Variants in MOXD1 observed in about 807,000 individuals in gnomAD.
The protein encoded by MOXD1 is DBH-like monooxygenase protein 1.
MOXD1 carries 62 observed loss-of-function variants against 66.6 expected under a neutral mutation model. The ratio of observed to expected loss-of-function variants is 0.93; its 90% CI spans 0.76 to 1.15. The LOEUF (loss-of-function observed/expected upper bound fraction) is 1.15. Ranked by LOEUF, MOXD1 falls within the 50% of genes most tolerant of loss-of-function variation. The pLI is 0.00. For synonymous variants in MOXD1, 303 were observed against 281.9 expected (o/e 1.07, Z -0.75); for missense variants, 847 against 754.6 (o/e 1.12, Z -1.44).
At chr6:132,401,055 A>G in intron 1 of MOXD1, 108 bp downstream of exon 1, 1 of 1,294,152 alleles carries the variant, frequency 7.7e-7, no homozygotes, top group Admixed American at 3.7e-5. Flanking sequence ...GGGCTGCGCC[A>G]GGTGAGAGAG....
At chr6:132,369,690 A>G (rs898837962) in intron 4 of MOXD1, among the ~76,000 whole-genome samples, 3 of 152,086 alleles carry the variant, frequency 2.0e-5, no homozygotes, top group African/African-American at 7.2e-5. Context: ...ATGGCTACTA[A>G]GTGACTAACG....
intron 4 of MOXD1, among the ~76,000 whole-genome samples, chr6:132,347,676 C>CG (rs1554234033): frequency 1.3e-5 from 2 of 148,684 alleles, no homozygotes; most frequent in Non-Finnish European, 3.0e-5. Context: ...GATCCTGTCT[C>CG]AAAAAAAAAA....
intron 1 of MOXD1, among the ~76,000 whole-genome samples, chr6:132,384,264 TCC>T (rs1776574660): frequency 8.6e-6 from 1 of 115,776 alleles, no homozygotes; most frequent in Non-Finnish European, 1.8e-5. Flanking sequence ...CTTCCTTCCT[TCC>T]TTCCTTCCTT....
chr6:132,385,496 TTATTA>T (rs769434127), intron 1 of MOXD1, among the ~76,000 whole-genome samples: 5,473 of 146,248 alleles, frequency 0.037, 129 homozygotes, highest in Middle Eastern at 0.1. Context: ...ATTATTATTA[TTATTA>T]GAGACACAGT....
At chr6:132,340,716 T>G (rs940510315) in intron 4 of MOXD1, among the ~76,000 whole-genome samples, 1 of 145,396 alleles carries the variant, frequency 6.9e-6, no homozygotes, top group African/African-American at 2.6e-5. Flanking sequence ...GCGCGATCTC[T>G]GCTCACTGCA....
chr6:132,312,874 T>C lies in MOXD1; in HGVS notation c.1508+2761A>G, dbSNP rs369305367. On this transcript the variant is annotated intron_variant, in intron 10 of 11. Transcript: ENST00000367963. Reference sequence around the variant, plus strand: ...GCAAACATACAGCTTTTAATATCCATTTGTTTTTAACATTCTCTCAAATTA... The same window carrying C: ...GCAAACATACAGCTTTTAATATCCACTTGTTTTTAACATTCTCTCAAATTA... Among the ~76,000 whole-genome samples the C allele has an allele frequency of 9.9e-5, 15 of 152,174 alleles. No homozygotes were observed. The South Asian group carries it at 2.3e-3, about 23-fold the overall frequency.
rs1040046009 is a variant in MOXD1 at position 132,390,950 on chromosome 6, C to T, written c.264+10213G>A. On this transcript the variant is annotated intron_variant, in intron 1 of 11. Transcript: ENST00000367963. ...TAAAATGTATCTGATTATACATGTT[C>T]TTTCACTATTTAGGAGGAAAATTAA... The T allele has an allele frequency of 7.3e-5, 11 of 151,492 alleles. 1 individual carries two copies. The highest frequency in any genetic ancestry group is 1.3e-4 in the Non-Finnish European group (9 of 67,732). The allele number at this position is 151,492 out of a possible 1,614,324, so 9.4% of individuals were successfully genotyped here.
At chr6:132,356,325 G>A (rs188041860) in intron 4 of MOXD1, among the ~76,000 whole-genome samples, 11 of 152,292 alleles carry the variant, frequency 7.2e-5, no homozygotes, top group African/African-American at 2.6e-4. Context: ...TCTAAGGAAA[G>A]CAAGCCAAAG....
intron 4 of MOXD1, among the ~76,000 whole-genome samples, chr6:132,333,160 C>A (rs555072545): frequency 2.5e-4 from 38 of 152,000 alleles, no homozygotes; most frequent in African/African-American, 8.9e-4. Context: ...CAAGGTGAAA[C>A]CCCGTCTCTA....
intron 4 of MOXD1, among the ~76,000 whole-genome samples, chr6:132,363,391 C>G (rs1024643572): frequency 2.0e-5 from 3 of 151,896 alleles, no homozygotes; most frequent in Non-Finnish European, 2.9e-5. Context: ...ACAAAGCTGT[C>G]AAAAAATAAA....
chr6:132,331,506 T>C (rs1284891416), intron 4 of MOXD1, among the ~76,000 whole-genome samples: 5 of 152,030 alleles, frequency 3.3e-5, no homozygotes, highest in Non-Finnish European at 7.4e-5. Context: ...CTTTTTTTTT[T>C]GTCTTCATAG....
intron 1 of MOXD1, among the ~76,000 whole-genome samples, chr6:132,377,626 G>A (rs1003106588): frequency 2.0e-5 from 3 of 151,962 alleles, no homozygotes; most frequent in Admixed American, 6.6e-5. Flanking sequence ...GACCCCTTGC[G>A]CCATCTGCCC....
At chr6:132,375,638 T>A (rs1399043318) in intron 1 of MOXD1, among the ~76,000 whole-genome samples, 1 of 152,090 alleles carries the variant, frequency 6.6e-6, no homozygotes, top group African/African-American at 2.4e-5. Flanking sequence ...GCCAGGATGG[T>A]CTCGATCTCC....
chr6:132,303,829 GTGTGTGTATATA>G (rs1562276349), intron 10 of MOXD1, among the ~76,000 whole-genome samples: 85 of 70,602 alleles, frequency 1.2e-3, no homozygotes, highest in African/African-American at 3.7e-3. Flanking sequence ...GTGTGTGTGT[GTGTGTGTATATA>G]TATATATATA....
chr6:132,333,351 A>G (rs907097387), intron 4 of MOXD1, among the ~76,000 whole-genome samples: 4 of 141,812 alleles, frequency 2.8e-5, no homozygotes, highest in Admixed American at 2.7e-4. Flanking sequence ...AAAAAAAAAA[A>G]AAAAATACTG....
chr6:132,311,173 T>C (rs954973429), intron 10 of MOXD1, among the ~76,000 whole-genome samples: 5 of 151,918 alleles, frequency 3.3e-5, no homozygotes, highest in Non-Finnish European at 5.9e-5. Flanking sequence ...GCTATCCAAA[T>C]AAAAGAGTAG....
Position 132,401,365 on chromosome 6 carries a change from G to C in MOXD1, c.62C>G (p.Ser21Trp), listed in dbSNP as rs559017598. The change falls in exon 1 of 12, where the codon TCG (serine) becomes TGG (tryptophan). Residue 21 changes from serine to tryptophan, a missense_variant. Physicochemically the swap from Ser to Trp is radical, Grantham distance 177. Coordinates refer to ENST00000367963, the MANE Select transcript of MOXD1 (RefSeq NM_015529.4). ...GLLPGTAAGG[S>W]GRTYPHRTLL... ...GGTCCGGTGCGGATAGGTTCGGCCC[G>C]AGCCCCCCGCCGCCGTCCCGGGGAG... 23 of 1,551,146 alleles carry C rather than the reference G, an allele frequency of 1.5e-5. No homozygotes were observed. The African/African-American group carries it at 2.9e-4, about 20-fold the overall frequency.
intron 4 of MOXD1, among the ~76,000 whole-genome samples, chr6:132,351,925 G>A (rs1314641333): frequency 6.6e-6 from 1 of 152,100 alleles, no homozygotes; most frequent in East Asian, 1.9e-4. Flanking sequence ...GTATAAAGGT[G>A]TTCAAAGTAG....
chr6:132,397,336 G>A (rs1405257220), intron 1 of MOXD1, among the ~76,000 whole-genome samples: 1 of 152,230 alleles, frequency 6.6e-6, no homozygotes, highest in Non-Finnish European at 1.5e-5. Flanking sequence ...AGAACAATGG[G>A]CAAAGCCCCC....
Sources: gnomAD v4.1 joint callset for allele counts (sites outside exome capture counted in the v4.1 genomes callset) on GRCh38, gnomAD v4.1.1 for gene constraint, MANE v1.5 for transcripts, NCBI Gene and HGNC (gene_info 2026-07-23, HGNC 2026-07-21) for gene names.